Variants in RPS6KC1 observed in about 807,000 individuals in gnomAD.
RPS6KC1 encodes the protein inactive ribosomal protein S6 kinase delta-1.
A neutral mutation model predicts 103.8 loss-of-function variants in RPS6KC1; 54 were observed. The ratio of observed to expected loss-of-function variants is 0.52; its 90% CI spans 0.42 to 0.65. RPS6KC1 has a LOEUF of 0.65. Ranked by LOEUF, RPS6KC1 falls within the 30% of genes least tolerant of loss-of-function variation. The probability of loss-of-function intolerance (pLI) is 0.00; values close to 1 mark genes in which losing one functional copy is unlikely to be tolerated. For synonymous variants in RPS6KC1, 439 were observed against 438.7 expected, an observed-to-expected ratio of 1.00 and a Z score of -0.01; for missense variants, 1,151 against 1,253.8, an observed-to-expected ratio of 0.92 and a Z score of 1.24.
At chr1:213,590,634 C>T in the RPS6KC1 span, among the ~76,000 whole-genome samples, 66 of 152,224 alleles carry the variant, frequency 4.3e-4, no homozygotes, top group African/African-American at 1.1e-3. Flanking sequence ...TATATTCCCA[C>T]GCTGATCAGT....
chr1:213,083,096 A>G (rs975929326), intron 3 of RPS6KC1, among the ~76,000 whole-genome samples: 12 of 152,220 alleles, frequency 7.9e-5, no homozygotes, highest in Admixed American at 2.0e-4. Flanking sequence ...CAAAAAAGTT[A>G]TAAGTAATTA....
the RPS6KC1 span, among the ~76,000 whole-genome samples, chr1:213,834,007 A>G: frequency 6.6e-6 from 1 of 152,216 alleles, no homozygotes; most frequent in Non-Finnish European, 1.5e-5. Context: ...TAAATAAATT[A>G]AAGTGTGATA....
chr1:213,135,414 T>C (rs1301446978), intron 6 of RPS6KC1, among the ~76,000 whole-genome samples: 2 of 152,166 alleles, frequency 1.3e-5, no homozygotes, highest in East Asian at 3.8e-4. Context: ...TGTCTGGAAG[T>C]TGAGATCTTA....
the RPS6KC1 span, among the ~76,000 whole-genome samples, chr1:213,283,741 A>C: frequency 5.3e-5 from 8 of 152,182 alleles, no homozygotes; most frequent in Non-Finnish European, 1.2e-4. Flanking sequence ...AGTGGAATTA[A>C]AAGGGAATAG....
the RPS6KC1 span, among the ~76,000 whole-genome samples, chr1:213,499,326 C>T: frequency 5.1e-4 from 77 of 152,150 alleles, no homozygotes; most frequent in African/African-American, 1.8e-3. Context: ...TAGGCGATTT[C>T]GTCATTATGT....
the RPS6KC1 span, among the ~76,000 whole-genome samples, chr1:213,364,993 T>C: frequency 2.2e-3 from 342 of 152,158 alleles, 2 homozygotes; most frequent in South Asian, 3.5e-3. Context: ...ATCTCAGGGT[T>C]GAATGGGCAC....
the RPS6KC1 span, among the ~76,000 whole-genome samples, chr1:213,422,911 G>A: frequency 2.6e-5 from 4 of 152,268 alleles, no homozygotes; most frequent in East Asian, 1.9e-4. Flanking sequence ...TAATTACTAC[G>A]GTGACCCAGG....
intron 8 of RPS6KC1, chr1:213,205,454 G>T: frequency 1.2e-6 from 1 of 855,582 alleles, no homozygotes; most frequent in Non-Finnish European, 1.4e-6. Flanking sequence ...CTTAATCAAA[G>T]CTTTAAGAAC....
rs944325432 is a variant in RPS6KC1 at position 213,089,121 on chromosome 1, T to C, written c.262+11305T>C. On this transcript the variant is annotated intron_variant, in intron 3 of 14. Coordinates refer to ENST00000366960, the MANE Select transcript of RPS6KC1 (RefSeq NM_012424.6). Reference sequence around the variant, plus strand: ...GGCACATAATAAAAAGAAAAACATTTTTATTTTCTTATGTGAAAGCAATTG... The same window carrying C: ...GGCACATAATAAAAAGAAAAACATTCTTATTTTCTTATGTGAAAGCAATTG... 3.7e-4 allele frequency among the ~76,000 whole-genome samples: 57 copies of C among 152,278 alleles called. 1 individual carries two copies. Among genetic ancestry groups the C allele is most frequent in the African/African-American group, 1.2e-3 (49 of 41,550 alleles).
At chr1:213,277,662 T>C (rs995935291), downstream of RPS6KC1, among the ~76,000 whole-genome samples, 5 of 152,250 alleles carry the variant, frequency 3.3e-5, no homozygotes, top group African/African-American at 1.2e-4. Context: ...ATTGACATGC[T>C]TATCCTAAGT....
chr1:213,545,016 G>C, the RPS6KC1 span, among the ~76,000 whole-genome samples: 1 of 152,164 alleles, frequency 6.6e-6, no homozygotes, highest in Non-Finnish European at 1.5e-5. Flanking sequence ...AGTTTTGGAG[G>C]CTGGAACTTC....
At chr1:213,557,897 G>T in the RPS6KC1 span, among the ~76,000 whole-genome samples, 2 of 152,124 alleles carry the variant, frequency 1.3e-5, no homozygotes, top group Non-Finnish European at 2.9e-5. Flanking sequence ...GTTTCTCAGT[G>T]GGTTGAGTTT....
chr1:213,283,860 G>A, the RPS6KC1 span, among the ~76,000 whole-genome samples: 1 of 151,938 alleles, frequency 6.6e-6, no homozygotes, highest in Admixed American at 6.6e-5. Flanking sequence ...AGAAGAGGGA[G>A]CTTGGTGAAG....
chr1:213,105,216 GT>G (rs79795539), intron 4 of RPS6KC1, among the ~76,000 whole-genome samples: 8,665 of 131,098 alleles, frequency 0.066, 549 homozygotes, highest in African/African-American at 0.18. Flanking sequence ...TTCATTTTAA[GT>G]TTTTTTTTTT....
chr1:213,189,705 T>C (rs936591776), intron 8 of RPS6KC1, among the ~76,000 whole-genome samples: 11 of 152,200 alleles, frequency 7.2e-5, no homozygotes, highest in African/African-American at 2.7e-4. Flanking sequence ...AAGTTGTTAT[T>C]GACTATAGTC....
At chr1:213,486,588 A>AT in the RPS6KC1 span, among the ~76,000 whole-genome samples, 1 of 151,994 alleles carries the variant, frequency 6.6e-6, no homozygotes, top group Non-Finnish European at 1.5e-5. Context: ...AAGATACTAT[A>AT]TTCAAGAACA....
intron 3 of RPS6KC1, among the ~76,000 whole-genome samples, chr1:213,094,591 A>G (rs185509292): frequency 5.3e-4 from 80 of 152,320 alleles, no homozygotes; most frequent in African/African-American, 1.9e-3. Flanking sequence ...TCTATCTGTC[A>G]TCAGAGTATG....
the RPS6KC1 span, among the ~76,000 whole-genome samples, chr1:213,597,345 G>A: frequency 5.3e-5 from 8 of 152,152 alleles, no homozygotes; most frequent in Non-Finnish European, 8.8e-5. Flanking sequence ...CGAGGCGAGC[G>A]CAGGGTCATG....
the RPS6KC1 span, among the ~76,000 whole-genome samples, chr1:213,305,472 T>A: frequency 2.6e-5 from 4 of 152,214 alleles, no homozygotes; most frequent in Admixed American, 6.5e-5. Flanking sequence ...GAAATAAGTT[T>A]CCAATTTGCT....
Sources: gnomAD v4.1 joint callset for allele counts (sites outside exome capture counted in the v4.1 genomes callset) on GRCh38, gnomAD v4.1.1 for gene constraint, MANE v1.5 for transcripts, NCBI Gene and HGNC (gene_info 2026-07-23, HGNC 2026-07-21) for gene names.